ADARB1: variants seen among roughly 807,000 people sequenced by gnomAD.
ADARB1 encodes the protein double-stranded RNA-specific editase 1.
In ADARB1, 10 loss-of-function variants were observed where a neutral mutation model predicts 52.4. That is an observed-to-expected ratio of 0.19 (90% CI 0.12 to 0.32). The LOEUF is 0.32. ADARB1 is among the 10% of genes least tolerant of loss of function. ADARB1 has a pLI of 1.00. For synonymous variants in ADARB1, 349 were observed against 371.1 expected, an observed-to-expected ratio of 0.94 and a Z score of 0.68; for missense variants, 643 against 922.3, an observed-to-expected ratio of 0.70 and a Z score of 3.92.
chr21:45,195,418 G>A (rs956496855), intron 8 of ADARB1, among the ~76,000 whole-genome samples: 26 of 152,140 alleles, frequency 1.7e-4, no homozygotes, highest in African/African-American at 6.0e-4. Flanking sequence ...ATAAAGTCTA[G>A]CAAATCAGTT....
chr21:45,211,023 G>A (rs929726081), intron 9 of ADARB1, among the ~76,000 whole-genome samples: 2 of 152,214 alleles, frequency 1.3e-5, no homozygotes, highest in East Asian at 1.9e-4. Flanking sequence ...GGACTGTTAT[G>A]TGGCCAGAGG....
At chr21:45,189,950 T>C (rs1194236202) in intron 8 of ADARB1, among the ~76,000 whole-genome samples, 1 of 152,154 alleles carries the variant, frequency 6.6e-6, no homozygotes, top group Non-Finnish European at 1.5e-5. Flanking sequence ...CTGTATTTCA[T>C]TTCTTTGAGC....
chr21:45,214,978 T>C (rs140141426), intron 9 of ADARB1, among the ~76,000 whole-genome samples: 9 of 152,320 alleles, frequency 5.9e-5, no homozygotes, highest in African/African-American at 2.2e-4. Context: ...ATCCTTCTCT[T>C]ACATGTCATC....
intron 1 of ADARB1, among the ~76,000 whole-genome samples, chr21:45,108,690 T>C (rs904112871): frequency 1.3e-5 from 2 of 152,076 alleles, no homozygotes; most frequent in African/African-American, 4.8e-5. Flanking sequence ...TTGTTAAATT[T>C]AGGTAGTTTC....
At position 45,074,598 on chromosome 21, in the gene ADARB1, T is replaced by TGGCGGCCGTGGCGGCGGCGGC. The variant is rs1555882576; in HGVS notation, c.-409_-408insCGTGGCGGCGGCGGCGGCGGC. On this transcript the variant is annotated 5_prime_UTR_variant, in exon 1 of 11. Transcript: ENST00000348831. ...CGGGGCTGAGGCGCTGAGGCGGCCG[T>TGGCGGCCGTGGCGGCGGCGGC]GGCGGCGGCGGCGGCGGCGGCGGCA... The TGGCGGCCGTGGCGGCGGCGGC allele has an allele frequency of 6.9e-6, 1 of 145,044 alleles. No individual in the cohort carries two copies. The highest frequency in any genetic ancestry group is 2.5e-5 in the African/African-American group (1 of 39,908). The allele number at this position is 145,044 out of a possible 1,614,324, so 9.0% of individuals were successfully genotyped here.
chr21:45,171,425 A>T (rs943476550), intron 2 of ADARB1, among the ~76,000 whole-genome samples, 185 bp from the exon 3 acceptor site: 2 of 152,206 alleles, frequency 1.3e-5, no homozygotes, highest in Admixed American at 1.3e-4. Flanking sequence ...CTGGACTGGA[A>T]TGTGCCAAGG....
intron 1 of ADARB1, among the ~76,000 whole-genome samples, chr21:45,123,916 A>C (rs1167090993): frequency 1.3e-5 from 2 of 152,208 alleles, no homozygotes; most frequent in African/African-American, 2.4e-5. Flanking sequence ...CTATATTTTG[A>C]AATAATACTG....
At chr21:45,185,456 A>G (rs547297936) in intron 8 of ADARB1, among the ~76,000 whole-genome samples, 9 of 152,240 alleles carry the variant, frequency 5.9e-5, no homozygotes, top group Non-Finnish European at 1.3e-4. Flanking sequence ...TTCAGTGGTC[A>G]CTTTCATCAT....
chr21:45,200,310 CAG>C lies in ADARB1; in HGVS notation c.1566-4240_1566-4239del, dbSNP rs1227709201. On this transcript the variant is annotated intron_variant, in intron 8 of 10. Transcript: ENST00000348831. The surrounding 1 kb of genome is among the most constrained non-coding windows in gnomAD (Gnocchi z 5.0). Reference sequence around the variant, plus strand: ...GGCAGTTTGGCGGTGAATGCAGCCCCAGAGAGTTGTCCACAAGACCATGGGGT... The same window carrying C: ...GGCAGTTTGGCGGTGAATGCAGCCCCAGAGTTGTCCACAAGACCATGGGGT... Among the ~76,000 whole-genome samples, 1 of 152,186 alleles carries C rather than the reference CAG, an allele frequency of 6.6e-6. No individual in the cohort carries two copies.
chr21:45,089,949 A>C (rs553135194), intron 1 of ADARB1, among the ~76,000 whole-genome samples: 1 of 152,168 alleles, frequency 6.6e-6, no homozygotes, highest in African/African-American at 2.4e-5. Context: ...TACTGTGCTG[A>C]GTGTAGTGTT....
Position 45,222,667 on chromosome 21 carries a change from T to C in ADARB1, c.*470T>C. On this transcript the variant is annotated 3_prime_UTR_variant, in exon 11 of 11. Coordinates refer to ENST00000348831, the MANE Select transcript of ADARB1 (RefSeq NM_001112.4). ...TATTTTAATTGCAAAAAAGCATCTA[T>C]ATATGGAGGAGGGTGGGAAAATAGA... 1 of 987,720 alleles carries C rather than the reference T, an allele frequency of 1.0e-6. No homozygotes were observed. The highest frequency in any genetic ancestry group is 1.2e-6 in the Non-Finnish European group (1 of 831,606). The allele number at this position is 987,720 out of a possible 1,614,324, so 61.2% of individuals were successfully genotyped here.
At chr21:45,180,527 G>A (rs1421627053) in intron 5 of ADARB1, 83 bp downstream of exon 5, 1 of 1,121,312 alleles carries the variant, frequency 8.9e-7, no homozygotes, top group Non-Finnish European at 1.3e-6. Context: ...AAAAACCACT[G>A]TGCCACACCG....
At chr21:45,094,175 A>G (rs925927079) in intron 1 of ADARB1, among the ~76,000 whole-genome samples, 3 of 152,234 alleles carry the variant, frequency 2.0e-5, no homozygotes, top group Non-Finnish European at 2.9e-5. Flanking sequence ...TTATTTGTTC[A>G]GAAACATTCA....
At chr21:45,198,966 C>T (rs920814552) in intron 8 of ADARB1, among the ~76,000 whole-genome samples, 7 of 152,052 alleles carry the variant, frequency 4.6e-5, no homozygotes, top group Admixed American at 2.6e-4. Context: ...CAATAGAAAA[C>T]TAACAATATA....
At position 45,225,504 on chromosome 21, in the gene ADARB1, C is replaced by T; in HGVS notation, c.*3307C>T. On this transcript the variant is annotated 3_prime_UTR_variant, in exon 11 of 11. Coordinates refer to ENST00000348831, the MANE Select transcript of ADARB1 (RefSeq NM_001112.4). The stretch of plus-strand genomic sequence containing the variant: ...TTATCTCCAGGCTGTGGAATCGCCA[C>T]TTTCTTTGTGAAGACAGTGTCTCTC... 7.6e-7 allele frequency: 1 copy of T among 1,317,878 alleles called. No individual in the cohort carries two copies. Among genetic ancestry groups the T allele is most frequent in the Non-Finnish European group, 9.8e-7 (1 of 1,023,778 alleles). The allele number at this position is 1,317,878 out of a possible 1,614,324, so 81.6% of individuals were successfully genotyped here. A position where few individuals can be genotyped will look rare whatever the true frequency, so the allele number is the denominator to read the frequency against.
intron 1 of ADARB1, among the ~76,000 whole-genome samples, chr21:45,080,105 G>A (rs1381545230): frequency 6.6e-6 from 1 of 152,206 alleles, no homozygotes; most frequent in African/African-American, 2.4e-5. Flanking sequence ...AGAGGTGGTT[G>A]TGAGTGACCT....
In ADARB1 at chr21:45,093,626, TTGAC is replaced by T. The variant is rs1303064723; in HGVS notation, c.-220+18836_-220+18839del. On this transcript the variant is annotated intron_variant, in intron 1 of 10. Transcript: ENST00000348831. ...TCCTCTTCTCTCAGGAAGAGGCCCT[TTGAC>T]TGTGTGCCCGGAGGAGGCATGGGTG... 3.9e-5 allele frequency among the ~76,000 whole-genome samples: 6 copies of T among 152,142 alleles called. No individual in the cohort carries two copies. In the East Asian group the frequency reaches 5.8e-4, roughly 15 times the overall value.
At chr21:45,092,522 AG>A (rs1348050614) in intron 1 of ADARB1, among the ~76,000 whole-genome samples, 2 of 152,218 alleles carry the variant, frequency 1.3e-5, no homozygotes, top group Non-Finnish European at 2.9e-5. Context: ...TAATCCTGGT[AG>A]GTGACCTTTA....
intron 8 of ADARB1, among the ~76,000 whole-genome samples, chr21:45,189,041 A>G (rs2092203881): frequency 1.3e-5 from 2 of 152,194 alleles, no homozygotes; most frequent in Admixed American, 1.3e-4. Context: ...ATACTTATTC[A>G]CTATCACAAG....
Sources: gnomAD v4.1 joint callset for allele counts (sites outside exome capture counted in the v4.1 genomes callset) on GRCh38, gnomAD v4.1.1 for gene constraint, Gnocchi (gnomAD v3.1) non-coding constraint, MANE v1.5 for transcripts, NCBI Gene and HGNC (gene_info 2026-07-23, HGNC 2026-07-21) for gene names.